BICD1: variants seen among roughly 807,000 people sequenced by gnomAD.
BICD1 encodes the protein BICD cargo adaptor 1.
Under a neutral mutation model 92.5 loss-of-function variants are expected in BICD1, and 35 were observed. The observed-to-expected ratio is 0.38, with a 90% CI of 0.29 to 0.50. The LOEUF (loss-of-function observed/expected upper bound fraction) is 0.50, where lower values mean the gene tolerates loss of function less well. Among genes scored for constraint, BICD1 ranks in the 20% least tolerant of loss-of-function variants. The pLI is 0.93. For synonymous variants in BICD1, 429 were observed against 465.1 expected (o/e 0.92, Z 1.00); for missense variants, 950 against 1,189.8 (o/e 0.80, Z 2.97).
intron 8 of BICD1, among the ~76,000 whole-genome samples, chr12:32,346,613 CGTGTATATATATATATA>C (rs1938625598): frequency 4.2e-5 from 1 of 23,610 alleles, no homozygotes; most frequent in Non-Finnish European, 1.2e-4. Flanking sequence ...TATATATATA[CGTGTATATATATATATA>C]TATACGTGTA....
At chr12:32,108,855 A>T in intron 1 of BICD1, 1 of 510,880 alleles carries the variant, frequency 2.0e-6, no homozygotes, top group Non-Finnish European at 3.5e-6. Context: ...TTTACTTACC[A>T]TGTACCTGTC....
At chr12:32,199,922 A>G (rs1213602656) in intron 1 of BICD1, among the ~76,000 whole-genome samples, 2 of 152,042 alleles carry the variant, frequency 1.3e-5, no homozygotes, top group Non-Finnish European at 2.9e-5. Context: ...GGCCCAGGAA[A>G]AGCCTAGGCA....
intron 1 of BICD1, among the ~76,000 whole-genome samples, chr12:32,161,021 C>G (rs1333252736): frequency 6.6e-6 from 1 of 152,162 alleles, no homozygotes; most frequent in Non-Finnish European, 1.5e-5. Flanking sequence ...AACCTTTAGT[C>G]TGGAAGCCTT....
chr12:32,300,715 G>C (rs1948019339), intron 3 of BICD1, among the ~76,000 whole-genome samples: 1 of 138,176 alleles, frequency 7.2e-6, no homozygotes, highest in Non-Finnish European at 1.5e-5. Context: ...AGCAATCCTG[G>C]CTCACTGCAA....
intron 1 of BICD1, among the ~76,000 whole-genome samples, chr12:32,135,975 A>G (rs1942724164): frequency 6.6e-6 from 1 of 152,124 alleles, no homozygotes; most frequent in Admixed American, 6.5e-5. Context: ...CTTGGAACCT[A>G]TTTCTTCATC....
chr12:32,311,539 A>G (rs1474023075), intron 4 of BICD1, among the ~76,000 whole-genome samples: 1 of 152,184 alleles, frequency 6.6e-6, no homozygotes, highest in Non-Finnish European at 1.5e-5. Flanking sequence ...TTGGTTCAGA[A>G]AGGTGGGACA....
At chr12:32,191,292 A>C (rs904710023) in intron 1 of BICD1, among the ~76,000 whole-genome samples, 2 of 152,158 alleles carry the variant, frequency 1.3e-5, no homozygotes, top group Non-Finnish European at 2.9e-5. Context: ...TTGAAGAGAA[A>C]CAAAATTGAC....
At chr12:32,148,927 C>T (rs761422432) in intron 1 of BICD1, among the ~76,000 whole-genome samples, 22 of 150,858 alleles carry the variant, frequency 1.5e-4, no homozygotes, top group Non-Finnish European at 3.1e-4. Flanking sequence ...GGATAAGGCA[C>T]GAGAATCACT....
chr12:32,333,023 G>A (rs544644152), intron 5 of BICD1: 216 of 985,238 alleles, frequency 2.2e-4, no homozygotes, highest in Non-Finnish European at 2.5e-4. Context: ...GAGGCTTTGG[G>A]GTATTTGTCA....
chr12:32,216,159 T>C, intron 1 of BICD1, 88 bp from the exon 2 acceptor site: 1 of 1,374,718 alleles, frequency 7.3e-7, no homozygotes, highest in Admixed American at 2.1e-5. Flanking sequence ...CTTACACATA[T>C]AAGCAGAAGA....
At chr12:32,250,930 G>A (rs1388941108) in intron 2 of BICD1, among the ~76,000 whole-genome samples, 1 of 152,168 alleles carries the variant, frequency 6.6e-6, no homozygotes, top group Non-Finnish European at 1.5e-5. Flanking sequence ...GCTGCGGTGA[G>A]CTGTGATCAT....
At position 32,219,744 on chromosome 12, in the gene BICD1, T is replaced by G. The variant is rs373834005; in HGVS notation, c.426+3285T>G. On this transcript the variant is annotated intron_variant, in intron 2 of 9. Transcript: ENST00000652176. Reference sequence around the variant, plus strand: ...ATGCTTAAGTATAAAAAAACTAACCTAGATTTTTTTCATCTAATTCTCACT... The same window carrying G: ...ATGCTTAAGTATAAAAAAACTAACCGAGATTTTTTTCATCTAATTCTCACT... Among the ~76,000 whole-genome samples the G allele has an allele frequency of 2.0e-5, 3 of 152,164 alleles. No individual in the cohort carries two copies. The East Asian group carries it at 5.8e-4, about 29-fold the overall frequency.
chr12:32,238,470 T>C (rs111262666), intron 2 of BICD1, among the ~76,000 whole-genome samples: 7,836 of 152,268 alleles, frequency 0.051, 231 homozygotes, highest in Middle Eastern at 0.11. Flanking sequence ...AATGACACCA[T>C]AGGATTTAGA....
rs1262694062 is a variant in BICD1, at chr12:32,194,910, G to GAAATA, written c.214-21326_214-21322dup. The stretch of plus-strand genomic sequence containing the variant: ...AAAATAAAATAAAACAAAATAAAAT[G>GAAATA]AAATAAAATAAAATACCTAGGAATA... On this transcript the variant is annotated intron_variant, in intron 1 of 9. Transcript: ENST00000652176. Among the ~76,000 whole-genome samples the GAAATA allele has an allele frequency of 3.0e-3, 455 of 151,586 alleles. 4 individuals are homozygous for GAAATA. The highest frequency in any genetic ancestry group is 0.011 in the African/African-American group (437 of 41,222).
chr12:32,124,534 G>A (rs555232186), intron 1 of BICD1, among the ~76,000 whole-genome samples: 2 of 152,242 alleles, frequency 1.3e-5, no homozygotes, highest in African/African-American at 2.4e-5. Flanking sequence ...ACAAGCACTT[G>A]ATAAATGATG....
intron 1 of BICD1, among the ~76,000 whole-genome samples, chr12:32,215,296 C>T (rs937649701): frequency 5.9e-5 from 9 of 152,152 alleles, no homozygotes; most frequent in African/African-American, 1.4e-4. Flanking sequence ...CCTTCTGTCA[C>T]GTTTCAGTCT....
chr12:32,183,267 T>TC (rs1293487496), intron 1 of BICD1, among the ~76,000 whole-genome samples: 19 of 149,640 alleles, frequency 1.3e-4, no homozygotes, highest in Admixed American at 1.1e-3. Flanking sequence ...ATAATTACTT[T>TC]TTTTTTTTTT....
At chr12:32,321,572 G>T (rs930077505) in intron 4 of BICD1, among the ~76,000 whole-genome samples, 1 of 152,166 alleles carries the variant, frequency 6.6e-6, no homozygotes, top group African/African-American at 2.4e-5. Flanking sequence ...CACTACAGAA[G>T]ATTATAATAA....
chr12:32,192,424 A>T (rs1271311450), intron 1 of BICD1, among the ~76,000 whole-genome samples: 1 of 146,886 alleles, frequency 6.8e-6, no homozygotes, highest in Non-Finnish European at 1.5e-5. Context: ...GCAGAGCGAG[A>T]CTCTGTTAAA....
Sources: gnomAD v4.1 joint callset for allele counts (sites outside exome capture counted in the v4.1 genomes callset) on GRCh38, gnomAD v4.1.1 for gene constraint, MANE v1.5 for transcripts, NCBI Gene and HGNC (gene_info 2026-07-23, HGNC 2026-07-21) for gene names.